Variants in CDH18 observed in about 807,000 individuals in gnomAD.
CDH18 encodes cadherin 18.
CDH18 carries 31 observed loss-of-function variants against 67.9 expected under a neutral mutation model. The ratio of observed to expected loss-of-function variants is 0.46; its 90% CI spans 0.34 to 0.62. The LOEUF (loss-of-function observed/expected upper bound fraction) is 0.62. Ranked by LOEUF, CDH18 falls within the 20% of genes least tolerant of loss-of-function variation. The pLI, the probability that CDH18 is intolerant of heterozygous loss-of-function variation, is 0.01. For missense variants in CDH18, 890 were observed against 975.5 expected (o/e 0.91, Z 1.17); for synonymous variants, 362 against 347.2 (o/e 1.04, Z -0.48).
At chr5:20,069,187 A>T (rs1473625823) in intron 2 of CDH18, among the ~76,000 whole-genome samples, 1 of 151,952 alleles carries the variant, frequency 6.6e-6, no homozygotes, top group Admixed American at 6.6e-5. Flanking sequence ...ATAAATAGAA[A>T]TTTATATAAA....
At chr5:20,269,523 T>A (rs927503405) in intron 1 of CDH18, among the ~76,000 whole-genome samples, 2 of 152,046 alleles carry the variant, frequency 1.3e-5, no homozygotes, top group African/African-American at 2.4e-5. Flanking sequence ...ATATACACAA[T>A]GGGATACTAT....
At chr5:20,562,332 T>C (rs113429425) in intron 1 of CDH18, among the ~76,000 whole-genome samples, 2,259 of 151,914 alleles carry the variant, frequency 0.015, 55 homozygotes, top group African/African-American at 0.052. Flanking sequence ...CAGGATATTA[T>C]TGTTCAATAA....
chr5:20,250,892 A>G (rs1561912883), intron 2 of CDH18, among the ~76,000 whole-genome samples: 3 of 151,978 alleles, frequency 2.0e-5, no homozygotes, highest in Non-Finnish European at 2.9e-5. Flanking sequence ...AGGTGTGAGC[A>G]ATGGCGCCCA....
chr5:19,936,203 TG>T (rs762002850), intron 2 of CDH18, among the ~76,000 whole-genome samples: 2 of 151,346 alleles, frequency 1.3e-5, no homozygotes, highest in Non-Finnish European at 3.0e-5. Flanking sequence ...AGTCATTTGT[TG>T]CCTTGTTACT....
At chr5:20,507,124 G>C (rs1454357435) in intron 1 of CDH18, among the ~76,000 whole-genome samples, 1 of 152,224 alleles carries the variant, frequency 6.6e-6, no homozygotes, top group Non-Finnish European at 1.5e-5. Flanking sequence ...CCATGTGAGA[G>C]AGATATCTTG....
chr5:19,812,989 A>C lies in CDH18; in HGVS notation c.228+25770T>G, dbSNP rs550752826. On this transcript the variant is annotated intron_variant, in intron 3 of 12. Transcript: ENST00000382275. ...AAAAGGATGACTTCATTTCCTTTAC[A>C]GAGACATGGATGAAGCTGGAAACCA... is the stretch of plus-strand genomic sequence containing the variant. Among the ~76,000 whole-genome samples, 4 of 152,330 alleles carry C rather than the reference A, an allele frequency of 2.6e-5. No individual in the cohort carries two copies. In the East Asian group the frequency reaches 7.7e-4, roughly 29 times the overall value.
intron 1 of CDH18, among the ~76,000 whole-genome samples, chr5:20,575,296 A>G (rs1306795657): frequency 6.6e-6 from 1 of 152,140 alleles, no homozygotes; most frequent in Non-Finnish European, 1.5e-5. Context: ...AAATATATTA[A>G]TATAAACACA....
In CDH18 at chr5:19,982,528, CTT is replaced by C. The variant is rs1202664846; in HGVS notation, c.-375-1352_-375-1351del. 4.6e-5 allele frequency among the ~76,000 whole-genome samples: 7 copies of C among 152,038 alleles called. No individual in the cohort carries two copies. The South Asian group carries it at 1.5e-3, about 32-fold the overall frequency. Reference sequence around the variant, plus strand: ...ATTCAAATTATTAAATTAATTTTAACTTATTAAAGAGTTTCTTCATTTTTGTG... The same window carrying C: ...ATTCAAATTATTAAATTAATTTTAACATTAAAGAGTTTCTTCATTTTTGTG... On this transcript the variant is annotated intron_variant, in intron 1 of 12. Transcript: ENST00000382275.
intron 1 of CDH18, among the ~76,000 whole-genome samples, chr5:20,367,424 G>GGTT (rs1045240879): frequency 6.6e-6 from 1 of 152,142 alleles, no homozygotes; most frequent in Non-Finnish European, 1.5e-5. Flanking sequence ...GTGCCAAAAA[G>GGTT]GTTGGTTCCC....
intron 4 of CDH18, among the ~76,000 whole-genome samples, chr5:19,725,852 C>T (rs191572387): frequency 2.4e-4 from 37 of 152,152 alleles, no homozygotes; most frequent in Admixed American, 7.8e-4. Context: ...TACTGGGATT[C>T]GGGAAAGGGA....
At chr5:20,355,657 C>T (rs1449949443) in intron 1 of CDH18, among the ~76,000 whole-genome samples, 1 of 152,084 alleles carries the variant, frequency 6.6e-6, no homozygotes, top group Admixed American at 6.6e-5. Flanking sequence ...AAAAATCTAC[C>T]TCATGATAAA....
chr5:20,380,860 A>G (rs1554125587), intron 1 of CDH18, among the ~76,000 whole-genome samples: 1 of 152,182 alleles, frequency 6.6e-6, no homozygotes, highest in Non-Finnish European at 1.5e-5. Context: ...TCCAATATAA[A>G]TTCTCTATAG....
At chr5:20,221,632 AAC>A (rs1364741909) in intron 2 of CDH18, among the ~76,000 whole-genome samples, 1 of 152,128 alleles carries the variant, frequency 6.6e-6, no homozygotes, top group Non-Finnish European at 1.5e-5. Context: ...GATTGTTTTT[AAC>A]ACAAAGAAAG....
intron 2 of CDH18, among the ~76,000 whole-genome samples, chr5:19,839,759 G>A (rs1782066323): frequency 6.6e-6 from 1 of 152,120 alleles, no homozygotes; most frequent in Admixed American, 6.6e-5. Flanking sequence ...CTGAATTATA[G>A]ATTGTGTAAA....
chr5:20,001,129 A>G (rs1475786149), intron 2 of CDH18, among the ~76,000 whole-genome samples: 1 of 152,158 alleles, frequency 6.6e-6, no homozygotes, highest in Admixed American at 6.5e-5. Context: ...AAGTCTCATA[A>G]TTTCTTTTTA....
At chr5:19,808,154 T>C (rs879485351) in intron 3 of CDH18, among the ~76,000 whole-genome samples, 6 of 152,142 alleles carry the variant, frequency 3.9e-5, no homozygotes, top group African/African-American at 1.4e-4. Flanking sequence ...AAAAATATTT[T>C]ATAGCATATA....
chr5:20,492,658 A>T (rs935660016), intron 1 of CDH18, among the ~76,000 whole-genome samples: 6 of 152,334 alleles, frequency 3.9e-5, no homozygotes, highest in African/African-American at 1.4e-4. Context: ...TATAATAAGA[A>T]AAAGAAAGTT....
intron 1 of CDH18, among the ~76,000 whole-genome samples, chr5:20,460,854 T>C (rs944812147): frequency 3.3e-5 from 5 of 152,220 alleles, no homozygotes; most frequent in African/African-American, 1.2e-4. Flanking sequence ...CAACCAGATT[T>C]ATCAAACTTG....
chr5:19,674,703 T>G (rs1285207531), intron 5 of CDH18, among the ~76,000 whole-genome samples: 3 of 152,272 alleles, frequency 2.0e-5, no homozygotes, highest in Non-Finnish European at 4.4e-5. Flanking sequence ...AAATAAAACT[T>G]TATTGTTGAT....
Sources: allele counts gnomAD v4.1 joint callset (sites outside exome capture counted in the v4.1 genomes callset), GRCh38; gene constraint gnomAD v4.1.1; transcripts MANE v1.5; gene names NCBI Gene and HGNC (gene_info 2026-07-23, HGNC 2026-07-21).